KANSL1: variants seen among roughly 807,000 people sequenced by gnomAD.
The protein encoded by KANSL1 is MLL1/MLL complex subunit KANSL1.
KANSL1 carries 22 observed loss-of-function variants against 103.6 expected under a neutral mutation model. The ratio of observed to expected loss-of-function variants is 0.21; its 90% CI spans 0.15 to 0.30. The LOEUF is 0.30. Ranked by LOEUF, KANSL1 falls within the 10% of genes least tolerant of loss-of-function variation. The pLI, the probability that KANSL1 is intolerant of heterozygous loss-of-function variation, is 1.00. For synonymous variants in KANSL1, 600 were observed against 527.6 expected, an observed-to-expected ratio of 1.14 and a Z score of -1.88; for missense variants, 1,337 against 1,399.8, an observed-to-expected ratio of 0.96 and a Z score of 0.72.
intron 2 of KANSL1, among the ~76,000 whole-genome samples, chr17:46,137,423 T>G (rs1440636944): frequency 6.6e-5 from 10 of 152,222 alleles, no homozygotes; most frequent in Non-Finnish European, 1.3e-4. Context: ...TTAGTTAGCA[T>G]CCTCAAACTT....
At chr17:46,033,841 G>T (rs974340932) in intron 11 of KANSL1, among the ~76,000 whole-genome samples, 1 of 152,190 alleles carries the variant, frequency 6.6e-6, no homozygotes, top group Non-Finnish European at 1.5e-5. Flanking sequence ...TGGAAACAAA[G>T]ATTTTTATGT....
At chr17:46,207,822 A>G (rs1456089811) in intron 1 of KANSL1, among the ~76,000 whole-genome samples, 1 of 152,202 alleles carries the variant, frequency 6.6e-6, no homozygotes, top group Non-Finnish European at 1.5e-5. Context: ...TACAAAAAAT[A>G]CAAAAAGGCC....
At position 46,094,452 on chromosome 17, in the gene KANSL1, A is replaced by G. The variant is rs188407150; in HGVS notation, c.1431+108T>C. On this transcript the variant is annotated intron_variant, in intron 3 of 14. Transcript: ENST00000432791. ...CAGGTCATTAAACCATTTACTTTGC[A>G]ATAGTTAAGAAGAGGGTTATGGGGG... The G allele has an allele frequency of 1.4e-4, 181 of 1,291,590 alleles. 1 individual carries two copies. The East Asian group carries it at 4.0e-3, about 28-fold the overall frequency. 80.0% of individuals were successfully genotyped at this position (1,291,590 alleles called of 1,614,324 possible).
At chr17:46,208,528 G>T (rs2048047999) in intron 1 of KANSL1, among the ~76,000 whole-genome samples, 1 of 151,032 alleles carries the variant, frequency 6.6e-6, no homozygotes, top group South Asian at 2.1e-4. Flanking sequence ...TGGGAGGATT[G>T]CTTGAGCCTG....
intron 11 of KANSL1, 184 bp from the exon 12 acceptor site, chr17:46,033,644 A>T: frequency 1.6e-6 from 1 of 626,812 alleles, no homozygotes. Context: ...TTGGCCACCT[A>T]CTCAAATGCC....
chr17:46,081,592 T>A (rs1598570661), intron 4 of KANSL1, among the ~76,000 whole-genome samples: 1 of 152,224 alleles, frequency 6.6e-6, no homozygotes, highest in East Asian at 1.9e-4. Flanking sequence ...ATCTCCAATA[T>A]CTGCCTCAGA....
At chr17:46,104,204 C>A (rs747745357) in intron 2 of KANSL1, among the ~76,000 whole-genome samples, 3 of 152,010 alleles carry the variant, frequency 2.0e-5, no homozygotes, top group Non-Finnish European at 4.4e-5. Context: ...CTTTCAATAC[C>A]CGTCAGTCAG....
intron 2 of KANSL1, among the ~76,000 whole-genome samples, chr17:46,114,781 G>C (rs2042971860): frequency 6.6e-6 from 1 of 152,238 alleles, no homozygotes; most frequent in Non-Finnish European, 1.5e-5. Context: ...GAGGTAACTA[G>C]TTCCCCAGCA....
In KANSL1 at chr17:46,053,997, G is replaced by A. The variant is rs1468110882; in HGVS notation, c.1849-3293C>T. On this transcript the variant is annotated intron_variant, in intron 6 of 14. Coordinates refer to ENST00000432791, the MANE Select transcript of KANSL1 (RefSeq NM_015443.4). ...TTTTAAAAATATCACAACAGATGGT[G>A]TGCATGTGTAGCCCTAGCTATTTGG... is the stretch of plus-strand genomic sequence containing the variant. 2.0e-5 allele frequency among the ~76,000 whole-genome samples: 3 copies of A among 152,178 alleles called. No individual in the cohort carries two copies. The East Asian group carries it at 5.8e-4, about 29-fold the overall frequency.
chr17:46,160,922 T>C (rs1332128385), intron 2 of KANSL1, among the ~76,000 whole-genome samples: 1 of 152,244 alleles, frequency 6.6e-6, no homozygotes, highest in Non-Finnish European at 1.5e-5. Flanking sequence ...GACATTAAGT[T>C]ACTTAAACTT....
chr17:46,030,136 T>C lies in KANSL1; in HGVS notation c.*1340A>G, dbSNP rs1040343025. On this transcript the variant is annotated 3_prime_UTR_variant, in exon 15 of 15. Transcript: ENST00000432791. ...AAAATACAAGGTTTTTTTTTTCCAT[T>C]TTTTGTTTTTGTTTTTTTTTTCAAT... is the stretch of plus-strand genomic sequence containing the variant. The C allele has an allele frequency of 6.8e-6, 1 of 147,556 alleles. No individual in the cohort carries two copies. Among genetic ancestry groups the C allele is most frequent in the Non-Finnish European group, 1.5e-5 (1 of 64,770 alleles). 9.1% of individuals were successfully genotyped at this position (147,556 alleles called of 1,614,324 possible).
At chr17:46,219,250 T>TAA (rs66536813) in intron 1 of KANSL1, among the ~76,000 whole-genome samples, 8 of 135,308 alleles carry the variant, frequency 5.9e-5, no homozygotes, top group Admixed American at 1.5e-4. Flanking sequence ...TCTTGTCTCA[T>TAA]AAAAAAAAAA....
rs11655853 is a variant in KANSL1 at position 46,060,135 on chromosome 17, G to A, written c.1848+6402C>T. Among the ~76,000 whole-genome samples the A allele has an allele frequency of 4.0e-3, 603 of 152,174 alleles. 6 individuals carry two copies. Among genetic ancestry groups the A allele is most frequent in the Non-Finnish European group, 7.4e-3 (506 of 68,006 alleles). ...AAATACTCAATTTAATACTTATGAA[G>A]GAATTAATACCAAAGTAAAACTCTA... On this transcript the variant is annotated intron_variant, in intron 6 of 14. Transcript: ENST00000432791.
At position 46,033,414 on chromosome 17, in the gene KANSL1, C is replaced by T; in HGVS notation, c.2713G>A (p.Glu905Lys). The change falls in exon 12 of 15, where the codon GAG becomes AAG. Residue 905 changes from glutamate (E) to lysine (K), a missense_variant. Transcript: ENST00000432791. Reference sequence around the variant, plus strand: ...AACCAGGCCATTACCTCTTCATTCTCCTCATCAGGACTCCCCTTCAGAGAC... The same window carrying T: ...AACCAGGCCATTACCTCTTCATTCTTCTCATCAGGACTCCCCTTCAGAGAC... ...LQSLKGSPDE[E>K]NEEIEDLSDA... 6.2e-7 allele frequency: 1 copy of T among 1,613,260 alleles called. No individual in the cohort carries two copies. The highest frequency in any genetic ancestry group is 8.5e-7 in the Non-Finnish European group (1 of 1,179,914).
Position 46,202,357 on chromosome 17 carries a change from G to A in KANSL1, c.-90+21314C>T, listed in dbSNP as rs1038403457. Among the ~76,000 whole-genome samples, 9 of 152,250 alleles carry A rather than the reference G, an allele frequency of 5.9e-5. No individual in the cohort carries two copies. The South Asian group carries it at 1.7e-3, about 28-fold the overall frequency. ...AAAAACTTCTGGTCCCAAGCATTTC[G>A]GATAAGGGATATTCAATGTATACAG... On this transcript the variant is annotated intron_variant, in intron 1 of 14. Coordinates refer to the KANSL1 transcript ENST00000572904.
At chr17:46,170,751 AC>A in intron 2 of KANSL1, 103 bp downstream of exon 2, 2 of 1,268,282 alleles carry the variant, frequency 1.6e-6, no homozygotes, top group South Asian at 2.8e-5. Context: ...CAGAACCTAG[AC>A]ACCTATGTAC....
At position 46,067,307 on chromosome 17, in the gene KANSL1, A is replaced by G. The variant is rs2078415688; in HGVS notation, c.1652+242T>C. 2.6e-5 allele frequency among the ~76,000 whole-genome samples: 4 copies of G among 152,202 alleles called. No individual in the cohort carries two copies. The South Asian group carries it at 8.3e-4, about 31-fold the overall frequency. ...TTCCTGCAAGATTAAAACAATAATA[A>G]TTCACAGTAACTGTAGTGTCTTTTA... On this transcript the variant is annotated intron_variant, in intron 5 of 14. Coordinates refer to ENST00000432791, the MANE Select transcript of KANSL1 (RefSeq NM_015443.4).
At chr17:46,110,688 T>C (rs2042764536) in intron 2 of KANSL1, among the ~76,000 whole-genome samples, 1 of 152,208 alleles carries the variant, frequency 6.6e-6, no homozygotes, top group Non-Finnish European at 1.5e-5. Flanking sequence ...AAAAAGAGTA[T>C]TTGATTGTCA....
chr17:46,133,693 T>C (rs559007561), intron 2 of KANSL1, among the ~76,000 whole-genome samples: 20 of 152,294 alleles, frequency 1.3e-4, no homozygotes, highest in Admixed American at 1.3e-3. Flanking sequence ...AAAAGTTTGA[T>C]TCGAAAAATT....
Sources: allele counts gnomAD v4.1 joint callset (sites outside exome capture counted in the v4.1 genomes callset), GRCh38; gene constraint gnomAD v4.1.1; transcripts MANE v1.5; gene names NCBI Gene and HGNC (gene_info 2026-07-23, HGNC 2026-07-21).